Variants in POF1B observed in about 807,000 individuals in gnomAD.
POF1B encodes protein POF1B.
A neutral mutation model predicts 55.3 loss-of-function variants in POF1B; 53 were observed. That is an observed-to-expected ratio of 0.96 (90% confidence interval 0.77 to 1.20). The LOEUF (loss-of-function observed/expected upper bound fraction) is 1.20, where lower values mean the gene tolerates loss of function less well. Ranked by LOEUF, POF1B falls within the 50% of genes most tolerant of loss-of-function variation. The probability of loss-of-function intolerance (pLI) is 0.00; values close to 1 mark genes in which losing one functional copy is unlikely to be tolerated. For missense variants in POF1B, 478 were observed against 420.5 expected (o/e 1.14, Z -1.20); for synonymous variants, 188 against 148.3 (o/e 1.27, Z -1.95).
chrX:85,361,777 A>C (rs1353034203), intron 3 of POF1B, among the ~76,000 whole-genome samples: 2 of 111,760 alleles, frequency 1.8e-5, no homozygotes, highest in Non-Finnish European at 3.8e-5. Context: ...TAGGAATAGC[A>C]TTGAATCTAT....
chrX:85,346,115 AT>A, intron 5 of POF1B, 73 bp from the exon 6 acceptor site: 5 of 768,603 alleles, frequency 6.5e-6, no homozygotes, highest in Middle Eastern at 3.4e-4. Context: ...AACTGAAACC[AT>A]TTTTTTAAAC....
At chrX:85,339,149 T>C (rs1933126515) in intron 6 of POF1B, among the ~76,000 whole-genome samples, 1 of 110,861 alleles carries the variant, frequency 9.0e-6, no homozygotes, top group Non-Finnish European at 1.9e-5. Context: ...CTCACAATCA[T>C]GGTGGGAGAT....
In POF1B at chrX:85,341,182, A is replaced by G. The variant is rs72633112; in HGVS notation, c.723+4678T>C. ...ATAGCAGCATAAGTATACCCATACT[A>G]TAAGTTTATGCATACTGAAAATACA... is the stretch of plus-strand genomic sequence containing the variant. On this transcript the variant is annotated intron_variant, in intron 6 of 16. Coordinates refer to ENST00000262753, the MANE Select transcript of POF1B (RefSeq NM_024921.4). Among the ~76,000 whole-genome samples the G allele has an allele frequency of 6.2e-3, 686 of 111,093 alleles. 37 individuals carry two copies. In the East Asian group the frequency reaches 0.17, roughly 27 times the overall value.
intron 6 of POF1B, among the ~76,000 whole-genome samples, chrX:85,336,016 C>T (rs1933067403): frequency 9.1e-6 from 1 of 110,369 alleles, no homozygotes; most frequent in Non-Finnish European, 1.9e-5. Flanking sequence ...CACTAACCTT[C>T]TCAACCTCTG....
chrX:85,326,282 G>A (rs376624434), intron 7 of POF1B, among the ~76,000 whole-genome samples: 2 of 104,283 alleles, frequency 1.9e-5, no homozygotes, highest in East Asian at 3.9e-4. Context: ...TGGTGGTGGC[G>A]GGGGAGGTAT....
intron 2 of POF1B, among the ~76,000 whole-genome samples, chrX:85,371,392 T>A (rs1191275973): frequency 8.9e-6 from 1 of 111,796 alleles, no homozygotes; most frequent in Non-Finnish European, 1.9e-5. Flanking sequence ...GTGCCAAACA[T>A]GTTACATAGA....
intron 5 of POF1B, among the ~76,000 whole-genome samples, chrX:85,350,241 T>C (rs981184537): frequency 3.8e-5 from 4 of 104,636 alleles, no homozygotes; most frequent in African/African-American, 1.4e-4. Flanking sequence ...TGTCCATGTG[T>C]TCTCATTGCT....
At chrX:85,315,543 T>C (rs1025919773) in intron 8 of POF1B, among the ~76,000 whole-genome samples, 164 bp downstream of exon 8, 1 of 111,517 alleles carries the variant, frequency 9.0e-6, no homozygotes, top group Non-Finnish European at 1.9e-5. Flanking sequence ...ATTATAAATA[T>C]GTAGTGTTTA....
rs199908874 is a variant in POF1B, at chrX:85,288,288, T to C, written c.1650-5971A>G. The stretch of plus-strand genomic sequence containing the variant: ...CAAGAGTGGTTGAGAAGTCGTACTC[T>C]CTTCCTCTACCCTGTCCCCCACTTG... On this transcript the variant is annotated intron_variant, in intron 15 of 16. Transcript: ENST00000262753. 7.2e-5 allele frequency among the ~76,000 whole-genome samples: 8 copies of C among 111,178 alleles called. No individual in the cohort carries two copies. In the East Asian group the frequency reaches 1.7e-3, roughly 24 times the overall value.
intron 5 of POF1B, among the ~76,000 whole-genome samples, chrX:85,347,315 C>A (rs1933292728): frequency 9.0e-6 from 1 of 111,020 alleles, no homozygotes; most frequent in South Asian, 3.7e-4. Flanking sequence ...TATATTAATA[C>A]AGTAAAACAC....
At chrX:85,338,098 A>C (rs1050681007) in intron 6 of POF1B, among the ~76,000 whole-genome samples, 1 of 111,441 alleles carries the variant, frequency 9.0e-6, no homozygotes, top group African/African-American at 3.3e-5. Context: ...TGGTGCCTGA[A>C]TATAATAAGT....
intron 6 of POF1B, among the ~76,000 whole-genome samples, chrX:85,344,319 T>C (rs1933228885): frequency 1.8e-5 from 2 of 111,500 alleles, no homozygotes; most frequent in Non-Finnish European, 3.8e-5. Context: ...TTCCATGCAA[T>C]ATCACAATAC....
At chrX:85,332,173 G>A (rs1932990599) in intron 6 of POF1B, among the ~76,000 whole-genome samples, 1 of 111,505 alleles carries the variant, frequency 9.0e-6, no homozygotes, top group Admixed American at 9.6e-5. Context: ...AGCCTGATTT[G>A]TTAGTATATC....
chrX:85,347,954 G>C (rs2147936082), intron 5 of POF1B, among the ~76,000 whole-genome samples: 1 of 111,342 alleles, frequency 9.0e-6, no homozygotes, highest in African/African-American at 3.2e-5. Flanking sequence ...AGAGCTTGTA[G>C]GCTATTGAAA....
At chrX:85,311,688 C>CA (rs1344045110) in intron 9 of POF1B, among the ~76,000 whole-genome samples, 1 of 111,742 alleles carries the variant, frequency 8.9e-6, no homozygotes, top group Non-Finnish European at 1.9e-5. Context: ...GATTTATAAT[C>CA]TTTGGGTATA....
At chrX:85,287,344 C>T (rs919981578) in intron 15 of POF1B, among the ~76,000 whole-genome samples, 2 of 111,235 alleles carry the variant, frequency 1.8e-5, no homozygotes, top group Non-Finnish European at 3.8e-5. Flanking sequence ...TGACACAACT[C>T]TAGTCAGACT....
At chrX:85,303,717 T>C (rs1932510586) in intron 14 of POF1B, among the ~76,000 whole-genome samples, 1 of 111,180 alleles carries the variant, frequency 9.0e-6, no homozygotes, top group African/African-American at 3.3e-5. Flanking sequence ...CTGCAACTGA[T>C]ACAGGATATC....
chrX:85,317,139 G>A (rs760993577), intron 7 of POF1B, among the ~76,000 whole-genome samples: 2 of 110,046 alleles, frequency 1.8e-5, no homozygotes, highest in Non-Finnish European at 3.8e-5. Flanking sequence ...TGGGCATTTA[G>A]GTTCATTCCA....
rs139562230 is a variant in POF1B, at chrX:85,294,238, G to A, written c.1649+9168C>T. Among the ~76,000 whole-genome samples the A allele has an allele frequency of 9.6e-3, 1,071 of 111,329 alleles. 20 individuals carry two copies. The highest frequency in any genetic ancestry group is 0.033 in the African/African-American group (1,004 of 30,648). Reference sequence around the variant, plus strand: ...TGCTCTTGTCTGATTGCTCTGGCTAGGACTTCCCATACTATGTTGAATGGG... The same window carrying A: ...TGCTCTTGTCTGATTGCTCTGGCTAAGACTTCCCATACTATGTTGAATGGG... On this transcript the variant is annotated intron_variant, in intron 15 of 16. Transcript: ENST00000262753.
Sources: gnomAD v4.1 joint callset for allele counts (sites outside exome capture counted in the v4.1 genomes callset) on GRCh38, gnomAD v4.1.1 for gene constraint, MANE v1.5 for transcripts, NCBI Gene and HGNC (gene_info 2026-07-23, HGNC 2026-07-21) for gene names.